The following CTNNA1 variants were observed in gnomAD, a reference collection of about 807,000 sequenced individuals.
CTNNA1 encodes catenin alpha-1.
In CTNNA1, 37 loss-of-function variants were observed where a neutral mutation model predicts 98.4. The ratio of observed to expected loss-of-function variants is 0.38; its 90% CI spans 0.29 to 0.49. The LOEUF is 0.49. CTNNA1 is among the 20% of genes least tolerant of loss of function. CTNNA1 has a pLI of 0.95. For synonymous variants in CTNNA1, 404 were observed against 413.2 expected, an observed-to-expected ratio of 0.98 and a Z score of 0.27; for missense variants, 761 against 1,147.2, an observed-to-expected ratio of 0.66 and a Z score of 4.86.
At chr5:138,783,748 A>C (rs373392889) in intron 3 of CTNNA1, among the ~76,000 whole-genome samples, 1 of 152,252 alleles carries the variant, frequency 6.6e-6, no homozygotes, top group Non-Finnish European at 1.5e-5. Context: ...TTTACTTTTC[A>C]TCCTGTGTAA....
At chr5:138,925,601 GGGC>G in intron 13 of CTNNA1, 194 bp downstream of exon 13, 2 of 743,410 alleles carry the variant, frequency 2.7e-6, no homozygotes, top group Non-Finnish European at 4.1e-6. Flanking sequence ...GCCCAAACTT[GGGC>G]CAAGAAGGGG....
At chr5:138,773,502 A>G (rs946736253) in intron 1 of CTNNA1, among the ~76,000 whole-genome samples, 5 of 152,190 alleles carry the variant, frequency 3.3e-5, no homozygotes, top group African/African-American at 1.2e-4. Context: ...GTGAAGGAAA[A>G]AACAAAAACA....
Position 138,929,248 on chromosome 5 carries a change from C to T in CTNNA1, c.1902C>T (p.Thr634=), listed in dbSNP as rs567591566. Residue 634 remains threonine (T), a splice_region_variant and synonymous_variant, in exon 14 of 18, where the codon ACC becomes ACT. Transcript: ENST00000302763. The part of the protein sequence containing the change: ...DIRKAVLMIR[T]PEELDDSDFE... ...TGTGATCTTTGTCTGGGTGGCAGAC[C>T]CCTGAGGAGTTGGATGACTCTGACT... 6.4e-7 allele frequency: 1 copy of T among 1,557,514 alleles called. No individual in the cohort carries two copies. The highest frequency in any genetic ancestry group is 1.4e-5 in the African/African-American group (1 of 73,796).
At chr5:138,850,484 C>G (rs1326716877) in intron 7 of CTNNA1, among the ~76,000 whole-genome samples, 1 of 152,168 alleles carries the variant, frequency 6.6e-6, no homozygotes, top group Non-Finnish European at 1.5e-5. Context: ...TTCTATTTAA[C>G]AAATAATTAA....
chr5:138,882,134 T>C lies in CTNNA1; in HGVS notation c.1063-4078T>C, dbSNP rs549959325. Reference sequence around the variant, plus strand: ...GTCAACAGGTAGTTATCCTAAGGTATGATTTGAGAAGGTCTTTGAGAGGAA... The same window carrying C: ...GTCAACAGGTAGTTATCCTAAGGTACGATTTGAGAAGGTCTTTGAGAGGAA... On this transcript the variant is annotated intron_variant, in intron 7 of 17. Coordinates refer to ENST00000302763, the MANE Select transcript of CTNNA1 (RefSeq NM_001903.5). Among the ~76,000 whole-genome samples the C allele has an allele frequency of 3.9e-5, 6 of 152,300 alleles. No homozygotes were observed. The South Asian group carries it at 1.2e-3, about 32-fold the overall frequency.
chr5:138,922,919 T>C (rs1358180875), intron 11 of CTNNA1, among the ~76,000 whole-genome samples: 1 of 143,088 alleles, frequency 7.0e-6, no homozygotes, highest in Non-Finnish European at 1.5e-5. Flanking sequence ...TTCAAGAAAG[T>C]CTAAATGGAT....
At chr5:138,828,816 T>C (rs915484533) in intron 7 of CTNNA1, among the ~76,000 whole-genome samples, 1 of 152,234 alleles carries the variant, frequency 6.6e-6, no homozygotes, top group Non-Finnish European at 1.5e-5. Context: ...TAGTGATGCA[T>C]ATTGAATTTT....
chr5:138,767,662 G>A (rs1479573042), intron 1 of CTNNA1, among the ~76,000 whole-genome samples: 3 of 152,132 alleles, frequency 2.0e-5, no homozygotes, highest in Non-Finnish European at 2.9e-5. Context: ...AAAAGTTGAA[G>A]TACAGTGAGT....
intron 10 of CTNNA1, among the ~76,000 whole-genome samples, chr5:138,907,353 C>T (rs1316351634): frequency 1.3e-5 from 2 of 152,276 alleles, no homozygotes; most frequent in East Asian, 3.9e-4. Flanking sequence ...TTCTGCAATT[C>T]AGATTTTTCT....
At chr5:138,889,230 A>T (rs913142596) in intron 9 of CTNNA1, among the ~76,000 whole-genome samples, 1 of 152,136 alleles carries the variant, frequency 6.6e-6, no homozygotes, top group African/African-American at 2.4e-5. Flanking sequence ...TGAAGGGCTG[A>T]GTGTGGCAGC....
intron 3 of CTNNA1, among the ~76,000 whole-genome samples, chr5:138,803,721 C>G (rs1757806544): frequency 1.3e-5 from 2 of 152,132 alleles, no homozygotes; most frequent in African/African-American, 4.8e-5. Flanking sequence ...TTCAAGGAGG[C>G]CTACCTTGAT....
At chr5:138,926,109 T>C (rs1763971201) in intron 13 of CTNNA1, among the ~76,000 whole-genome samples, 1 of 152,242 alleles carries the variant, frequency 6.6e-6, no homozygotes, top group Non-Finnish European at 1.5e-5. Flanking sequence ...TCAGCTTTTG[T>C]CACTGCCTGC....
intron 7 of CTNNA1, among the ~76,000 whole-genome samples, chr5:138,845,032 T>C (rs1397165083): frequency 6.6e-6 from 1 of 152,196 alleles, no homozygotes; most frequent in Non-Finnish European, 1.5e-5. Context: ...AATTTGCTCC[T>C]GTGTATAAAG....
At chr5:138,812,874 C>T (rs183737924) in intron 5 of CTNNA1, among the ~76,000 whole-genome samples, 19 of 152,266 alleles carry the variant, frequency 1.2e-4, no homozygotes, top group African/African-American at 2.9e-4. Context: ...TGCTGTTGGA[C>T]GCTGTGTATT....
At chr5:138,875,297 C>A in intron 7 of CTNNA1, 2 of 635,932 alleles carry the variant, frequency 3.1e-6, no homozygotes, top group Non-Finnish European at 4.0e-6. Flanking sequence ...AGCATGAGTG[C>A]ATTTACTGAA....
intron 1 of CTNNA1, among the ~76,000 whole-genome samples, chr5:138,773,642 AGT>A (rs1243874473): frequency 1.2e-5 from 1 of 81,768 alleles, no homozygotes; most frequent in African/African-American, 4.0e-5. Context: ...TCTTAATGTA[AGT>A]GAGTGATTAG....
chr5:138,767,437 G>A (rs1448703715), intron 1 of CTNNA1, among the ~76,000 whole-genome samples: 1 of 152,024 alleles, frequency 6.6e-6, no homozygotes, highest in African/African-American at 2.4e-5. Flanking sequence ...GTTCTTTGGC[G>A]CCATTGTCCT....
At chr5:138,805,765 A>G (rs1439685331) in intron 3 of CTNNA1, among the ~76,000 whole-genome samples, 2 of 151,542 alleles carry the variant, frequency 1.3e-5, no homozygotes, top group African/African-American at 4.9e-5. Context: ...AAAAAAAATT[A>G]TTTAGTATAA....
intron 5 of CTNNA1, among the ~76,000 whole-genome samples, chr5:138,813,735 C>A (rs952252491): frequency 6.6e-5 from 10 of 152,170 alleles, no homozygotes; most frequent in Non-Finnish European, 2.9e-5. Flanking sequence ...CCTCCCACCT[C>A]AGCCTCCTGA....
Sources: gnomAD v4.1 joint callset for allele counts (sites outside exome capture counted in the v4.1 genomes callset) on GRCh38, gnomAD v4.1.1 for gene constraint, MANE v1.5 for transcripts, NCBI Gene and HGNC (gene_info 2026-07-23, HGNC 2026-07-21) for gene names.